The following LPAR6 variants were observed in gnomAD, a reference collection of about 807,000 sequenced individuals.
LPAR6 encodes the protein G-protein coupled purinergic receptor P2Y5.
In LPAR6, 17 loss-of-function variants were observed where a neutral mutation model predicts 22.0. The ratio of observed to expected loss-of-function variants is 0.77; its 90% CI spans 0.53 to 1.16. The LOEUF is 1.16. Among genes scored for constraint, LPAR6 ranks in the 50% most tolerant of loss-of-function variants. The pLI is 0.00. For synonymous variants in LPAR6, 136 were observed against 139.8 expected, an observed-to-expected ratio of 0.97 and a Z score of 0.19; for missense variants, 384 against 406.9, an observed-to-expected ratio of 0.94 and a Z score of 0.48.
chr13:48,413,332 T>G (rs542777469), upstream of LPAR6, among the ~76,000 whole-genome samples: 1 of 152,330 alleles, frequency 6.6e-6, no homozygotes, highest in African/African-American at 2.4e-5. Context: ...CCTTCTGCGG[T>G]GCTGGCAACC....
chr13:48,430,469 T>C (rs536283255), upstream of LPAR6, among the ~76,000 whole-genome samples: 2 of 152,210 alleles, frequency 1.3e-5, no homozygotes, highest in African/African-American at 4.8e-5. Context: ...GGCCAGGCAC[T>C]GTGGCTCATG....
intron 1 of LPAR6, among the ~76,000 whole-genome samples, chr13:48,395,879 G>A (rs1948644077): frequency 6.6e-6 from 1 of 151,910 alleles, no homozygotes; most frequent in Admixed American, 6.6e-5. Flanking sequence ...GAAATACAGG[G>A]AACACCACAA....
In LPAR6 at chr13:48,412,857, G is replaced by A. The variant is rs1252203582; in HGVS notation, c.-434C>T. 1 of 193,484 alleles carries A rather than the reference G, an allele frequency of 5.2e-6. No individual in the cohort carries two copies. Among genetic ancestry groups the A allele is most frequent in the Non-Finnish European group, 1.2e-5 (1 of 83,810 alleles). 12.0% of individuals were successfully genotyped at this position (193,484 alleles called of 1,614,324 possible). On this transcript the variant is annotated 5_prime_UTR_variant, in exon 1 of 1. Coordinates refer to ENST00000620633, the MANE Select transcript of LPAR6 (RefSeq NM_001162498.3). ...TTAATGTTTCTTTATGCCTCAGAAT[G>A]TTAAGCTTAAGTTATCAATCTTATT...
intron 1 of LPAR6, among the ~76,000 whole-genome samples, chr13:48,393,498 G>T (rs1948626074): frequency 6.6e-6 from 1 of 152,166 alleles, no homozygotes; most frequent in African/African-American, 2.4e-5. Flanking sequence ...TGTGTAAAAA[G>T]AATTCTTTTA....
At chr13:48,404,777 G>A (rs1948725335) in intron 1 of LPAR6, among the ~76,000 whole-genome samples, 1 of 151,770 alleles carries the variant, frequency 6.6e-6, no homozygotes, top group South Asian at 2.1e-4. Context: ...CGCCTGCCTC[G>A]GCCTCCCAAA....
At chr13:48,391,386 G>A (rs184386783) in intron 1 of LPAR6, 45 of 152,192 alleles carry the variant, frequency 3.0e-4, no homozygotes, top group Middle Eastern at 3.4e-3. Flanking sequence ...GTTTTTATTT[G>A]ATTACATATT....
chr13:48,390,176 AAAAC>A (rs991749085), intron 1 of LPAR6, among the ~76,000 whole-genome samples: 2 of 152,160 alleles, frequency 1.3e-5, no homozygotes, highest in African/African-American at 4.8e-5. Context: ...AAACAACCCC[AAAAC>A]AAACAAACAA....
chr13:48,406,520 A>T (rs960572185), downstream of LPAR6: 2 of 152,194 alleles, frequency 1.3e-5, no homozygotes, highest in African/African-American at 4.8e-5. Context: ...TCTACCCTGT[A>T]TCAGACGAAT....
At chr13:48,406,898 C>T (rs945019368), downstream of LPAR6, among the ~76,000 whole-genome samples, 1 of 152,078 alleles carries the variant, frequency 6.6e-6, no homozygotes, top group Non-Finnish European at 1.5e-5. Flanking sequence ...TCTATTAAAA[C>T]AAACAAACAA....
intron 1 of LPAR6, among the ~76,000 whole-genome samples, chr13:48,435,055 T>C (rs1201868178): frequency 1.3e-5 from 2 of 152,224 alleles, no homozygotes; most frequent in Non-Finnish European, 2.9e-5. Flanking sequence ...ATGGGTTTTC[T>C]TTTCTCTGGG....
intron 1 of LPAR6, among the ~76,000 whole-genome samples, chr13:48,443,934 T>C (rs1019113495): frequency 1.3e-5 from 2 of 152,210 alleles, no homozygotes; most frequent in African/African-American, 4.8e-5. Context: ...GTTTTTCTTC[T>C]GCTCTCATAC....
chr13:48,412,226 A>C lies in LPAR6; in HGVS notation c.198T>G (p.Phe66Leu), dbSNP rs199707535. The C allele has an allele frequency of 6.2e-7, 1 of 1,614,110 alleles. No homozygotes were observed. The highest frequency in any genetic ancestry group is 1.1e-5 in the South Asian group (1 of 91,088). The part of the protein sequence containing the change: ...MINLAMSDLL[F>L]VFTLPFRIFY... ...AAATCCTGAAGGGTAAAGTAAAAAC[A>C]AAAAGCAAGTCTGACATTGCCAAGT... The change falls in exon 1 of 1, where the codon TTT (phenylalanine) becomes TTG (leucine). Residue 66 changes from phenylalanine to leucine, a missense_variant. By Grantham distance (22) the Phe-to-Leu change is conservative. Transcript: ENST00000620633.
intron 1 of LPAR6, among the ~76,000 whole-genome samples, chr13:48,437,862 C>A (rs148588806): frequency 6.6e-6 from 1 of 152,288 alleles, no homozygotes; most frequent in Non-Finnish European, 1.5e-5. Context: ...GATATAAATA[C>A]CCAGTGTCAG....
intron 1 of LPAR6, among the ~76,000 whole-genome samples, chr13:48,426,279 G>C (rs1949078311): frequency 6.6e-6 from 1 of 152,116 alleles, no homozygotes; most frequent in Non-Finnish European, 1.5e-5. Flanking sequence ...TAGAAATAAA[G>C]GTTATGTTGT....
chr13:48,431,098 G>A (rs927789045), upstream of LPAR6, among the ~76,000 whole-genome samples: 4 of 151,582 alleles, frequency 2.6e-5, no homozygotes, highest in Non-Finnish European at 5.9e-5. Flanking sequence ...TTACAGAATA[G>A]TTAAATGACA....
At chr13:48,438,163 C>A (rs1403089817) in intron 1 of LPAR6, among the ~76,000 whole-genome samples, 1 of 152,146 alleles carries the variant, frequency 6.6e-6, no homozygotes, top group East Asian at 1.9e-4. Flanking sequence ...GCTATGAAAT[C>A]TGTATTTTAG....
chr13:48,409,148 C>CT (rs1948766446), downstream of LPAR6, among the ~76,000 whole-genome samples: 1 of 143,292 alleles, frequency 7.0e-6, no homozygotes, highest in African/African-American at 2.6e-5. Flanking sequence ...TTTTTCTTTT[C>CT]TCTTTTTTTT....
At chr13:48,432,189 C>T (rs1949136825) in intron 1 of LPAR6, among the ~76,000 whole-genome samples, 1 of 152,078 alleles carries the variant, frequency 6.6e-6, no homozygotes, top group South Asian at 2.1e-4. Context: ...AGGAATGAAT[C>T]ATGTGGTTGT....
chr13:48,417,999 G>C (rs147374374), upstream of LPAR6, among the ~76,000 whole-genome samples: 845 of 152,210 alleles, frequency 5.6e-3, 5 homozygotes, highest in Middle Eastern at 0.01. Context: ...TAGCACGACA[G>C]GCCAACATTC....
Sources: allele counts gnomAD v4.1 joint callset (sites outside exome capture counted in the v4.1 genomes callset), GRCh38; gene constraint gnomAD v4.1.1; transcripts MANE v1.5; gene names NCBI Gene and HGNC (gene_info 2026-07-23, HGNC 2026-07-21).